Variants in CIMAP3 observed in about 807,000 individuals in gnomAD.
CIMAP3 encodes the protein ciliary microtubule associated protein 3.
At chr1:111,347,871 G>A in the CIMAP3 span, 1 of 821,554 alleles carries the variant, frequency 1.2e-6, no homozygotes, top group South Asian at 1.8e-5. Context: ...AAAAGAATAT[G>A]CCCTGAAATT....
chr1:111,331,780 A>G, the CIMAP3 span, among the ~76,000 whole-genome samples: 1,200 of 151,652 alleles, frequency 7.9e-3, 15 homozygotes, highest in African/African-American at 0.027. Context: ...TTGTCGTGTT[A>G]ATGTGTCCCT....
the CIMAP3 span, among the ~76,000 whole-genome samples, chr1:111,329,160 G>C: frequency 2.0e-5 from 3 of 152,118 alleles, no homozygotes; most frequent in Non-Finnish European, 4.4e-5. Context: ...CTTTAGAAGT[G>C]TTGAATATAG....
chr1:111,324,942 T>C, the CIMAP3 span: 2 of 899,080 alleles, frequency 2.2e-6, no homozygotes, highest in African/African-American at 1.8e-5. Flanking sequence ...CCTTTTAGCA[T>C]TGGAGTCTAA....
chr1:111,343,335 T>A, the CIMAP3 span, among the ~76,000 whole-genome samples: 1 of 152,192 alleles, frequency 6.6e-6, no homozygotes. Flanking sequence ...AGCAAGTAAT[T>A]CCCTGGAATA....
the CIMAP3 span, among the ~76,000 whole-genome samples, chr1:111,338,505 A>G: frequency 1.3e-5 from 2 of 152,082 alleles, no homozygotes; most frequent in Admixed American, 1.3e-4. Context: ...GACACAATAA[A>G]AAATGATAAA....
the CIMAP3 span, among the ~76,000 whole-genome samples, chr1:111,326,995 C>T: frequency 1.3e-5 from 2 of 151,468 alleles, no homozygotes; most frequent in Non-Finnish European, 2.9e-5. Context: ...GATATTAGTC[C>T]CTGTCTATGA....
the CIMAP3 span, among the ~76,000 whole-genome samples, chr1:111,338,269 A>G: frequency 6.6e-6 from 1 of 152,080 alleles, no homozygotes; most frequent in African/African-American, 2.4e-5. Flanking sequence ...TGACACCCTA[A>G]CATCACAATT....
the CIMAP3 span, chr1:111,346,832 C>G: frequency 6.3e-7 from 1 of 1,586,640 alleles, no homozygotes. Flanking sequence ...CTCAGTCTCC[C>G]CGACCTTCCC....
the CIMAP3 span, among the ~76,000 whole-genome samples, chr1:111,330,668 C>A: frequency 0.13 from 19,376 of 152,276 alleles, 1,348 homozygotes; most frequent in African/African-American, 0.16. Flanking sequence ...TTGCCCACTG[C>A]AGCTCTGGGG....
At chr1:111,348,637 A>G in the CIMAP3 span, 2 of 1,597,654 alleles carry the variant, frequency 1.3e-6, no homozygotes, top group African/African-American at 2.7e-5. Context: ...AAGGACACTT[A>G]CTATCCCAGG....
chr1:111,347,846 A>G, the CIMAP3 span: 1 of 1,062,128 alleles, frequency 9.4e-7, no homozygotes, highest in East Asian at 2.4e-5. Flanking sequence ...GCAGAGAGCA[A>G]GAGGGGGGTG....
the CIMAP3 span, among the ~76,000 whole-genome samples, chr1:111,333,373 G>A: frequency 6.6e-6 from 1 of 152,188 alleles, no homozygotes; most frequent in Non-Finnish European, 1.5e-5. Flanking sequence ...GGCCCCCAGA[G>A]GAGGAAGCAC....
chr1:111,334,597 C>T, the CIMAP3 span, among the ~76,000 whole-genome samples: 1 of 151,928 alleles, frequency 6.6e-6, no homozygotes, highest in African/African-American at 2.4e-5. Context: ...GTTCTCTGAC[C>T]AAAAATTCAA....
At chr1:111,340,856 G>T in the CIMAP3 span, among the ~76,000 whole-genome samples, 1 of 152,050 alleles carries the variant, frequency 6.6e-6, no homozygotes, top group African/African-American at 2.4e-5. Context: ...CCCATTACTG[G>T]GTATATACCC....
At chr1:111,348,352 C>T in the CIMAP3 span, 44 of 637,086 alleles carry the variant, frequency 6.9e-5, no homozygotes, top group Admixed American at 6.7e-4. Flanking sequence ...ACCCGTATCT[C>T]GGTTTTCTAC....
the CIMAP3 span, among the ~76,000 whole-genome samples, chr1:111,325,276 C>A: frequency 1.3e-5 from 2 of 152,146 alleles, no homozygotes; most frequent in East Asian, 3.9e-4. Flanking sequence ...TGATTCATGC[C>A]ATTTTATAGA....
At chr1:111,352,682 A>G in the CIMAP3 span, 2 of 152,200 alleles carry the variant, frequency 1.3e-5, no homozygotes, top group African/African-American at 4.8e-5. Flanking sequence ...ATTAACTGTT[A>G]TCACCTCTCC....
chr1:111,327,412 T>C, the CIMAP3 span, among the ~76,000 whole-genome samples: 4 of 152,144 alleles, frequency 2.6e-5, no homozygotes, highest in Non-Finnish European at 4.4e-5. Flanking sequence ...TTTTTTGGAA[T>C]CATTTCTGTA....
the CIMAP3 span, chr1:111,351,511 C>A: frequency 2.2e-6 from 1 of 450,846 alleles, no homozygotes; most frequent in East Asian, 3.6e-5. Flanking sequence ...CTATCTCCAT[C>A]TACTGACTTG....
Sources: allele counts gnomAD v4.1 joint callset (sites outside exome capture counted in the v4.1 genomes callset), GRCh38; gene constraint gnomAD v4.1.1; transcripts MANE v1.5; gene names NCBI Gene and HGNC (gene_info 2026-07-23, HGNC 2026-07-21).